The following RUFY1 variants were observed in gnomAD, a reference collection of about 807,000 sequenced individuals.
RUFY1 encodes RUN and FYVE domain-containing protein 1.
RUFY1 carries 54 observed loss-of-function variants against 94.6 expected under a neutral mutation model. That is an observed-to-expected ratio of 0.57 (90% CI 0.46 to 0.72). The LOEUF is 0.72. RUFY1 is among the 30% of genes least tolerant of loss of function. The pLI, the probability that RUFY1 is intolerant of heterozygous loss-of-function variation, is 0.00. For synonymous variants in RUFY1, 396 were observed against 347.3 expected, an observed-to-expected ratio of 1.14 and a Z score of -1.56; for missense variants, 883 against 883.9, an observed-to-expected ratio of 1.00 and a Z score of 0.01.
At chr5:179,596,752 G>A in intron 13 of RUFY1, 71 bp downstream of exon 13, 2 of 1,021,756 alleles carry the variant, frequency 2.0e-6, no homozygotes, top group East Asian at 7.1e-5. Context: ...GGGACAGGTG[G>A]TATCCTGCTT....
chr5:179,590,350 T>C (rs986317851), intron 9 of RUFY1, among the ~76,000 whole-genome samples: 1 of 147,682 alleles, frequency 6.8e-6, no homozygotes, highest in Non-Finnish European at 1.5e-5. Context: ...CAAGACTCCG[T>C]CTCAAAAAAA....
At chr5:179,589,512 G>C in intron 8 of RUFY1, 34 bp from the exon 9 acceptor site, 3 of 1,273,390 alleles carry the variant, frequency 2.4e-6, no homozygotes, top group Non-Finnish European at 3.4e-6. Context: ...GATTAATTTT[G>C]ATGTTAAGAA....
chr5:179,552,307 A>G (rs897586365), intron 1 of RUFY1, among the ~76,000 whole-genome samples: 2 of 152,144 alleles, frequency 1.3e-5, no homozygotes, highest in Non-Finnish European at 2.9e-5. Flanking sequence ...ATGCTGGGAC[A>G]GAGCTGAGGA....
At chr5:179,566,727 G>A (rs1762860141) in intron 3 of RUFY1, among the ~76,000 whole-genome samples, 1 of 151,558 alleles carries the variant, frequency 6.6e-6, no homozygotes, top group Middle Eastern at 3.2e-3. Flanking sequence ...TTTATGTTCT[G>A]TGTATCTTAC....
In RUFY1 at chr5:179,591,708, G is replaced by C; in HGVS notation, c.1212G>C (p.Trp404Cys). 6.2e-7 allele frequency: 1 copy of C among 1,611,222 alleles called. No homozygotes were observed. The highest frequency in any genetic ancestry group is 8.5e-7 in the Non-Finnish European group (1 of 1,179,136). ...TGGATGAAATGTACAGTGATGTGTG[G>C]AAGCAGCTAAAAGAGGAGAAGAAAG... Reference protein sequence around the residue: ...QGLDEMYSDVWKQLKEEKKVR... With the variant: ...QGLDEMYSDVCKQLKEEKKVR... The change falls in exon 10 of 18, where the codon TGG becomes TGC. Residue 404 changes from tryptophan to cysteine, a missense_variant. Coordinates refer to ENST00000319449, the MANE Select transcript of RUFY1 (RefSeq NM_025158.5).
At chr5:179,597,452 G>T (rs1367625009) in intron 13 of RUFY1, among the ~76,000 whole-genome samples, 1 of 151,994 alleles carries the variant, frequency 6.6e-6, no homozygotes, top group African/African-American at 2.4e-5. Context: ...AACCCAGGAT[G>T]GTCTCGATCT....
chr5:179,550,866 C>T lies in RUFY1; in HGVS notation c.297C>T (p.Gly99=). Reference sequence around the variant, plus strand: ...TGGGCGGCGGGGACAGCGGGGACGGCACGGCGCGCGCAGGTAGGCTCGGGC... The same window carrying T: ...TGGGCGGCGGGGACAGCGGGGACGGTACGGCGCGCGCAGGTAGGCTCGGGC... ...AGLGGGDSGD[G]TARAASKCQM... is the part of the protein sequence containing the mutation. The change falls in exon 1 of 18, where the codon GGC becomes GGT. Residue 99 remains glycine, a synonymous_variant. Coordinates refer to ENST00000319449, the MANE Select transcript of RUFY1 (RefSeq NM_025158.5). 1 of 1,178,078 alleles carries T rather than the reference C, an allele frequency of 8.5e-7. No homozygotes were observed. The highest frequency in any genetic ancestry group is 1.0e-6 in the Non-Finnish European group (1 of 956,192). The allele number at this position is 1,178,078 out of a possible 1,614,324, so 73.0% of individuals were successfully genotyped here.
Position 179,593,612 on chromosome 5 carries a change from A to G in RUFY1, c.1380A>G (p.Lys460=). 6.2e-7 allele frequency: 1 copy of G among 1,614,144 alleles called. No homozygotes were observed. Among genetic ancestry groups the G allele is most frequent in the Non-Finnish European group, 8.5e-7 (1 of 1,180,000 alleles). ...TCCGCCAGCAGCTGGAAGAAGTCAA[A>G]GCGATTAATTTACAGATGTTTCACA... is the stretch of plus-strand genomic sequence containing the variant. ...VALRQQLEEV[K]AINLQMFHKA... is the part of the protein sequence containing the mutation. Residue 460 remains lysine, a synonymous_variant, in exon 11 of 18, where the codon AAA becomes AAG. Coordinates refer to ENST00000319449, the MANE Select transcript of RUFY1 (RefSeq NM_025158.5).
At chr5:179,580,043 A>T (rs1241826665) in intron 6 of RUFY1, among the ~76,000 whole-genome samples, 1 of 152,136 alleles carries the variant, frequency 6.6e-6, no homozygotes, top group Admixed American at 6.6e-5. Flanking sequence ...TGAATTAATT[A>T]TGGAACATAT....
Position 179,594,857 on chromosome 5 carries a change from C to T in RUFY1, c.1414-9C>T. The T allele has an allele frequency of 1.3e-6, 2 of 1,592,412 alleles. No individual in the cohort carries two copies. Among genetic ancestry groups the T allele is most frequent in the Non-Finnish European group, 1.7e-6 (2 of 1,166,028 alleles). On this transcript the variant is annotated splice_polypyrimidine_tract_variant and intron_variant, in intron 11 of 17. Transcript: ENST00000319449. ...AGGCAGAGTATGAACCCTTCCTTTG[C>T]TTTTGTAGAATGCAGAGAGCAGTTT... is the stretch of plus-strand genomic sequence containing the variant.
chr5:179,599,512 T>A (rs1010498123), intron 14 of RUFY1: 1 of 152,440 alleles, frequency 6.6e-6, no homozygotes, highest in Non-Finnish European at 1.5e-5. Flanking sequence ...CCCTCTCACT[T>A]GGAGGCATGG....
intron 14 of RUFY1, among the ~76,000 whole-genome samples, chr5:179,600,656 C>G (rs1180166763): frequency 6.9e-6 from 1 of 144,502 alleles, no homozygotes; most frequent in Non-Finnish European, 1.5e-5. Flanking sequence ...CTCAAATAGG[C>G]AAAGCCTCAT....
chr5:179,558,848 C>CT (rs1371052826), intron 1 of RUFY1, among the ~76,000 whole-genome samples: 1 of 152,138 alleles, frequency 6.6e-6, no homozygotes, highest in African/African-American at 2.4e-5. Context: ...TAAATATGCT[C>CT]TTTAATTGTC....
In RUFY1 at chr5:179,565,164, CTTTTTTTTTT is replaced by C. The variant is rs138223106; in HGVS notation, c.603-2279_603-2270del. 5.6e-5 allele frequency among the ~76,000 whole-genome samples: 4 copies of C among 71,940 alleles called. No individual in the cohort carries two copies. In the Admixed American group the frequency reaches 6.1e-4, roughly 11 times the overall value. The allele number at this position is 71,940 out of a possible 152,430, so 47.2% of individuals were successfully genotyped here. A position where few individuals can be genotyped will look rare whatever the true frequency, so the allele number is the denominator to read the frequency against. ...TGCCTTTTAATACTTTCTAGGTTTTCTTTTTTTTTTTTTTTTTTTTTTTTTTTGAGACAGA... is the reference window on the plus strand; with the variant it reads ...TGCCTTTTAATACTTTCTAGGTTTTCTTTTTTTTTTTTTTTTTGAGACAGA... On this transcript the variant is annotated intron_variant, in intron 3 of 17. Coordinates refer to ENST00000319449, the MANE Select transcript of RUFY1 (RefSeq NM_025158.5).
intron 7 of RUFY1, among the ~76,000 whole-genome samples, chr5:179,581,438 A>AT (rs763576066): frequency 0.019 from 2,242 of 116,892 alleles, 45 homozygotes; most frequent in African/African-American, 0.041. Context: ...CTTTATCTTG[A>AT]TTTTTTTTTT....
At chr5:179,564,397 G>C (rs966439445) in intron 3 of RUFY1, among the ~76,000 whole-genome samples, 7 of 150,730 alleles carry the variant, frequency 4.6e-5, no homozygotes, top group Non-Finnish European at 1.0e-4. Context: ...TGGGATTATA[G>C]GTGTGAACCA....
At chr5:179,559,771 G>A in intron 1 of RUFY1, 1 of 1,229,488 alleles carries the variant, frequency 8.1e-7, no homozygotes, top group Non-Finnish European at 1.0e-6. Flanking sequence ...GCGCGGAGCC[G>A]TCTGGGAGAG....
At position 179,594,890 on chromosome 5, in the gene RUFY1, A is replaced by C. The variant is rs202054173; in HGVS notation, c.1438A>C (p.Lys480Gln). Residue 480 changes from lysine to glutamine, a missense_variant, in exon 12 of 18, where the codon AAG becomes CAG. By Grantham distance (53) the Lys-to-Gln change is moderately conservative (BLOSUM62 1). Coordinates refer to ENST00000319449, the MANE Select transcript of RUFY1 (RefSeq NM_025158.5). ...AQNAESSLQQ[K>Q]NEAITSFEGK... ...GAATGCAGAGAGCAGTTTGCAGCAG[A>C]AGAATGAAGCCATCACATCCTTTGA... 97 of 1,613,616 alleles carry C rather than the reference A, an allele frequency of 6.0e-5. No homozygotes were observed. Among genetic ancestry groups the C allele is most frequent in the Non-Finnish European group, 7.1e-5 (84 of 1,179,670 alleles).
Position 179,559,661 on chromosome 5 carries a change from G to A in RUFY1, c.311-364G>A, listed in dbSNP as rs563783593. 19 of 1,020,730 alleles carry A rather than the reference G, an allele frequency of 1.9e-5. No individual in the cohort carries two copies. In the African/African-American group the frequency reaches 2.9e-4, roughly 16 times the overall value. 63.2% of individuals were successfully genotyped at this position (1,020,730 alleles called of 1,614,324 possible). ...ACGCCCTCTAAGAGCTTGGGGCAGGGCTTCCTGTAGGTAGCGCCCTTCCAT... is the reference window on the plus strand; with the variant it reads ...ACGCCCTCTAAGAGCTTGGGGCAGGACTTCCTGTAGGTAGCGCCCTTCCAT... On this transcript the variant is annotated intron_variant, in intron 1 of 17. Transcript: ENST00000319449.
Sources: gnomAD v4.1 joint callset for allele counts (sites outside exome capture counted in the v4.1 genomes callset) on GRCh38, gnomAD v4.1.1 for gene constraint, MANE v1.5 for transcripts, NCBI Gene and HGNC (gene_info 2026-07-23, HGNC 2026-07-21) for gene names.